Variants in DMBX1 observed in about 807,000 individuals in gnomAD.
The protein encoded by DMBX1 is diencephalon/mesencephalon homeobox protein 1.
A neutral mutation model predicts 30.4 loss-of-function variants in DMBX1; 7 were observed. The ratio of observed to expected loss-of-function variants is 0.23; its 90% CI spans 0.13 to 0.43. The LOEUF (loss-of-function observed/expected upper bound fraction) is 0.43, where lower values mean the gene tolerates loss of function less well. Among genes scored for constraint, DMBX1 ranks in the 20% least tolerant of loss-of-function variants. DMBX1 has a pLI of 1.00. For missense variants in DMBX1, 460 were observed against 508.5 expected (o/e 0.90, Z 0.92); for synonymous variants, 222 against 214.2 (o/e 1.04, Z -0.32).
Position 46,509,076 on chromosome 1 carries a change from T to C in DMBX1, c.155-1400T>C, listed in dbSNP as rs187381932. Among the ~76,000 whole-genome samples the C allele has an allele frequency of 9.2e-4, 140 of 152,120 alleles. 1 individual carries two copies. Among genetic ancestry groups the C allele is most frequent in the African/African-American group, 3.1e-3 (127 of 41,486 alleles). The stretch of plus-strand genomic sequence containing the variant: ...CCAGTTGCCTCTTCCTATTCTTTTT[T>C]TTTTTGCGGAGGGGGGATGGAGTTT... On this transcript the variant is annotated intron_variant, in intron 3 of 5. Transcript: ENST00000360032.
intron 2 of DMBX1, among the ~76,000 whole-genome samples, chr1:46,502,454 G>A (rs1437127947): frequency 4.6e-5 from 7 of 151,240 alleles, no homozygotes; most frequent in East Asian, 1.9e-4. Context: ...GACCATTTTC[G>A]GCACCTCCTC....
Position 46,510,273 on chromosome 1 carries a change from T to G in DMBX1, c.155-203T>G, listed in dbSNP as rs1200277008. On this transcript the variant is annotated intron_variant, in intron 3 of 5. Coordinates refer to ENST00000360032, the MANE Select transcript of DMBX1 (RefSeq NM_172225.2). This position sits in a 1 kb window ranked among gnomAD's most constrained non-coding sequence, Gnocchi z 4.1. ...TTGAGTTAGACCTCTGTGGTCCTGA[T>G]AGTGCATAATGGGGTGGAGAGACCT... Among the ~76,000 whole-genome samples, 1 of 152,144 alleles carries G rather than the reference T, an allele frequency of 6.6e-6. No homozygotes were observed. Among genetic ancestry groups the G allele is most frequent in the African/African-American group, 2.4e-5 (1 of 41,428 alleles).
intron 2 of DMBX1, among the ~76,000 whole-genome samples, chr1:46,504,424 T>C (rs1666192942): frequency 6.7e-6 from 1 of 150,258 alleles, no homozygotes; most frequent in East Asian, 1.9e-4. Flanking sequence ...GTTTCAGCTT[T>C]CTACGTATGG....
chr1:46,508,211 A>G (rs910459938), intron 3 of DMBX1, among the ~76,000 whole-genome samples: 1 of 152,132 alleles, frequency 6.6e-6, no homozygotes, highest in African/African-American at 2.4e-5. Context: ...ACTCCTAGGG[A>G]GAACAGGTGC....
chr1:46,494,810 G>A (rs146487647), intron 2 of DMBX1, among the ~76,000 whole-genome samples: 132 of 152,202 alleles, frequency 8.7e-4, no homozygotes, highest in Non-Finnish European at 1.7e-3. Context: ...CCTCAGTGGA[G>A]ATGAAAGGAG....
At chr1:46,499,464 A>G (rs1480842311) in intron 2 of DMBX1, among the ~76,000 whole-genome samples, 4 of 152,208 alleles carry the variant, frequency 2.6e-5, no homozygotes, top group Non-Finnish European at 4.4e-5. Flanking sequence ...TAGTGGGAAG[A>G]ACTTCACCTG....
chr1:46,492,153 AGGCGAAGGCCAT>A (rs1214694043), intron 2 of DMBX1, among the ~76,000 whole-genome samples: 1 of 152,248 alleles, frequency 6.6e-6, no homozygotes, highest in Admixed American at 6.5e-5. Flanking sequence ...AACCCGCCCC[AGGCGAAGGCCAT>A]GGCGAAGGAC....
rs1666345660 is a variant in DMBX1 at position 46,510,587 on chromosome 1, A to G, written c.266A>G (p.His89Arg). The change falls in exon 4 of 6, where the codon CAC becomes CGC. Residue 89 changes from histidine (H) to arginine (R), a missense_variant. Physicochemically the swap from His to Arg is conservative, Grantham distance 29 (BLOSUM62 0). Coordinates refer to ENST00000360032, the MANE Select transcript of DMBX1 (RefSeq NM_172225.2). This position sits in a 1 kb window ranked among gnomAD's most constrained non-coding sequence, Gnocchi z 4.1. ...EALEKTFQKT[H>R]YPDVVMRERL... ...CTGGAAAAGACCTTCCAGAAGACTC[A>G]CTACCCAGATGTGGTGATGCGTGAG... is the stretch of plus-strand genomic sequence containing the variant. 3.1e-6 allele frequency: 5 copies of G among 1,614,180 alleles called. No individual in the cohort carries two copies. The East Asian group carries it at 1.1e-4, about 36-fold the overall frequency.
At chr1:46,492,272 G>C (rs1665944465) in intron 2 of DMBX1, among the ~76,000 whole-genome samples, 1 of 152,230 alleles carries the variant, frequency 6.6e-6, no homozygotes, top group African/African-American at 2.4e-5. Flanking sequence ...CTGCACCCCT[G>C]TCCTAGCCAC....
rs1477124727 is a variant in DMBX1 at position 46,515,799 on chromosome 1, C to T, written c.*3305C>T. Among the ~76,000 whole-genome samples the T allele has an allele frequency of 2.0e-5, 3 of 152,244 alleles. No homozygotes were observed. Reference sequence around the variant, plus strand: ...GCTGGGCCAACCTGGGCCTGAAAGCCAGAGGCTCAAGCTCTGACTGTCCCT... The same window carrying T: ...GCTGGGCCAACCTGGGCCTGAAAGCTAGAGGCTCAAGCTCTGACTGTCCCT... On this transcript the variant is annotated 3_prime_UTR_variant, in exon 6 of 6. Coordinates refer to ENST00000360032, the MANE Select transcript of DMBX1 (RefSeq NM_172225.2).
At chr1:46,492,608 C>T (rs1469987235) in intron 2 of DMBX1, among the ~76,000 whole-genome samples, 1 of 152,144 alleles carries the variant, frequency 6.6e-6, no homozygotes, top group Admixed American at 6.5e-5. Context: ...GCGCAGTCCC[C>T]TATGTCTGAA....
intron 2 of DMBX1, among the ~76,000 whole-genome samples, chr1:46,498,645 A>C (rs1347684926): frequency 6.6e-6 from 1 of 152,138 alleles, no homozygotes; most frequent in East Asian, 1.9e-4. Context: ...ACATGGGCTC[A>C]CAGGCATGTA....
intron 2 of DMBX1, among the ~76,000 whole-genome samples, 168 bp from the exon 3 acceptor site, chr1:46,506,831 C>T (rs1289856346): frequency 6.6e-6 from 1 of 152,176 alleles, no homozygotes. Context: ...GGAGTGAATG[C>T]AGGAACCCCC....
chr1:46,492,860 C>T (rs976389839), intron 2 of DMBX1, among the ~76,000 whole-genome samples: 6 of 152,202 alleles, frequency 3.9e-5, no homozygotes, highest in African/African-American at 1.4e-4. Flanking sequence ...CACGCAGACA[C>T]TCATGCTCAA....
At position 46,493,333 on chromosome 1, in the gene DMBX1, T is replaced by A. The variant is rs543313950; in HGVS notation, c.-13+2550T>A. Among the ~76,000 whole-genome samples, 1 of 152,224 alleles carries A rather than the reference T, an allele frequency of 6.6e-6. No homozygotes were observed. Among genetic ancestry groups the A allele is most frequent in the Admixed American group, 6.5e-5 (1 of 15,288 alleles). ...CCTCTCCTGTCTGACCTTGAGCGAG[T>A]CTCAGTTTCCCTTTCTGTAAGAAGG... On this transcript the variant is annotated intron_variant, in intron 2 of 5. Coordinates refer to ENST00000360032, the MANE Select transcript of DMBX1 (RefSeq NM_172225.2). The surrounding 1 kb of genome is among the most constrained non-coding windows in gnomAD (Gnocchi z 4.1).
Position 46,512,055 on chromosome 1 carries a change from G to C in DMBX1, c.695G>C (p.Ser232Thr), listed in dbSNP as rs774939516. Residue 232 changes from serine to threonine, a missense_variant, in exon 6 of 6, where the codon AGC (serine) becomes ACC (threonine). This residue lies in a region of DMBX1 where 334 missense variants were observed against 345.1 expected (regional missense o/e 0.97). Coordinates refer to ENST00000360032, the MANE Select transcript of DMBX1 (RefSeq NM_172225.2). The surrounding 1 kb of genome is among the most constrained non-coding windows in gnomAD (Gnocchi z 4.8). ...RGSPKADSPGSLTITPVAPGG... is the reference protein window; with the variant it reads ...RGSPKADSPGTLTITPVAPGG... ...TCTCTGCTTGCAGATTCCCCAGGCA[G>C]CCTGACCATCACTCCTGTGGCCCCA... 9 of 1,610,940 alleles carry C rather than the reference G, an allele frequency of 5.6e-6. No individual in the cohort carries two copies. Among genetic ancestry groups the C allele is most frequent in the South Asian group, 2.2e-5 (2 of 91,034 alleles).
Position 46,512,404 on chromosome 1 carries a change from C to T in DMBX1, c.1044C>T (p.Thr348=). 3 of 1,613,998 alleles carry T rather than the reference C, an allele frequency of 1.9e-6. No homozygotes were observed. Among genetic ancestry groups the T allele is most frequent in the Non-Finnish European group, 2.5e-6 (3 of 1,180,014 alleles). Residue 348 remains threonine, a synonymous_variant, in exon 6 of 6, where the codon ACC becomes ACT. Coordinates refer to ENST00000360032, the MANE Select transcript of DMBX1 (RefSeq NM_172225.2). This position sits in a 1 kb window ranked among gnomAD's most constrained non-coding sequence, Gnocchi z 4.8. ...PPAGLAPASA[T]LNSKTTSIEN... is the part of the protein sequence containing the mutation. ...CAGGCCTGGCTCCTGCATCAGCTAC[C>T]CTGAACAGTAAAACCACAAGCATCG...
Position 46,512,240 on chromosome 1 carries a change from G to C in DMBX1, c.880G>C (p.Ala294Pro). The C allele has an allele frequency of 6.2e-7, 1 of 1,613,714 alleles. No individual in the cohort carries two copies. Among genetic ancestry groups the C allele is most frequent in the African/African-American group, 1.3e-5 (1 of 75,002 alleles). Residue 294 changes from alanine (A) to proline (P), a missense_variant, in exon 6 of 6, where the codon GCT becomes CCT. Ala to Pro is a conservative substitution (Grantham distance 27). Transcript: ENST00000360032. This position sits in a 1 kb window ranked among gnomAD's most constrained non-coding sequence, Gnocchi z 4.8. ...TCCGGCCCCTGCTGCTGCAGCGGCGGCTGCTGCTGTGCCCTACCTGGGCGT... is the reference window on the plus strand; with the variant it reads ...TCCGGCCCCTGCTGCTGCAGCGGCGCCTGCTGCTGTGCCCTACCTGGGCGT... ...GGPAPAAAAA[A>P]AAVPYLGVNM...
At chr1:46,496,824 G>A (rs1359032787) in intron 2 of DMBX1, among the ~76,000 whole-genome samples, 1 of 152,224 alleles carries the variant, frequency 6.6e-6, no homozygotes, top group Non-Finnish European at 1.5e-5. Flanking sequence ...AAAGCAGCCT[G>A]GAGTTGGGGC....
Sources: gnomAD v4.1 joint callset for allele counts (sites outside exome capture counted in the v4.1 genomes callset) on GRCh38, gnomAD v4.1.1 for gene constraint, gnomAD v4.1.1 regional missense constraint, Gnocchi (gnomAD v3.1) non-coding constraint, MANE v1.5 for transcripts, NCBI Gene and HGNC (gene_info 2026-07-23, HGNC 2026-07-21) for gene names.